The following UBA6 variants were observed in gnomAD, a reference collection of about 807,000 sequenced individuals.
UBA6 encodes ubiquitin-like modifier-activating enzyme 6.
Under a neutral mutation model 148.3 loss-of-function variants are expected in UBA6, and 87 were observed. That is an observed-to-expected ratio of 0.59 (90% CI 0.49 to 0.70). The LOEUF is 0.70. UBA6 is among the 30% of genes least tolerant of loss of function. The pLI, the probability that UBA6 is intolerant of heterozygous loss-of-function variation, is 0.00. For missense variants in UBA6, 1,186 were observed against 1,241.2 expected (o/e 0.96, Z 0.67); for synonymous variants, 376 against 401.0 (o/e 0.94, Z 0.75).
intron 9 of UBA6, among the ~76,000 whole-genome samples, chr4:67,666,214 C>T (rs767561913): frequency 3.3e-5 from 5 of 151,720 alleles, no homozygotes; most frequent in East Asian, 3.9e-4. Flanking sequence ...AAACATGGTC[C>T]GATAACATTT....
chr4:67,678,551 G>A lies in UBA6; in HGVS notation c.259-18C>T. ...GTAACTGCCTTCAAAAAAGAAAAAAGTATTGGTTGAAGTCAGGAGTTCAAG... is the reference window on the plus strand; with the variant it reads ...GTAACTGCCTTCAAAAAAGAAAAAAATATTGGTTGAAGTCAGGAGTTCAAG... On this transcript the variant is annotated intron_variant, in intron 4 of 32. Transcript: ENST00000322244. The A allele has an allele frequency of 2.0e-6, 3 of 1,516,124 alleles. No individual in the cohort carries two copies. Among genetic ancestry groups the A allele is most frequent in the East Asian group, 2.3e-5 (1 of 43,630 alleles). The allele number at this position is 1,516,124 out of a possible 1,614,324, so 93.9% of individuals were successfully genotyped here.
At position 67,618,231 on chromosome 4, in the gene UBA6, A is replaced by G. The variant is rs1728672927; in HGVS notation, c.*766T>C. The G allele has an allele frequency of 1.3e-5, 2 of 152,586 alleles. No individual in the cohort carries two copies. The highest frequency in any genetic ancestry group is 6.5e-5 in the Admixed American group (1 of 15,276). 9.5% of individuals were successfully genotyped at this position (152,586 alleles called of 1,614,324 possible). A position where few individuals can be genotyped will look rare whatever the true frequency, so the allele number is the denominator to read the frequency against. On this transcript the variant is annotated 3_prime_UTR_variant, in exon 33 of 33. Transcript: ENST00000322244. ...ACATAAATAAAATAGCCACATTAGAAGGCATACTGAAGAATCAAATGGTTA... is the reference window on the plus strand; with the variant it reads ...ACATAAATAAAATAGCCACATTAGAGGGCATACTGAAGAATCAAATGGTTA...
intron 32 of UBA6, among the ~76,000 whole-genome samples, chr4:67,621,314 A>T (rs142080108): frequency 6.6e-6 from 1 of 152,388 alleles, no homozygotes; most frequent in African/African-American, 2.4e-5. Context: ...TCAACTGATT[A>T]TCATAGTTAA....
At chr4:67,626,976 A>G (rs1313524638) in intron 27 of UBA6, among the ~76,000 whole-genome samples, 1 of 151,980 alleles carries the variant, frequency 6.6e-6, no homozygotes, top group African/African-American at 2.4e-5. Flanking sequence ...AGCAATCCAT[A>G]AGATATATAA....
chr4:67,642,270 A>C (rs1339949426), intron 17 of UBA6, among the ~76,000 whole-genome samples: 1 of 152,036 alleles, frequency 6.6e-6, no homozygotes, highest in Non-Finnish European at 1.5e-5. Context: ...CTAAGTGCCT[A>C]ATGTTATGTG....
chr4:67,676,588 A>G (rs574825621), intron 6 of UBA6, among the ~76,000 whole-genome samples: 68 of 152,238 alleles, frequency 4.5e-4, no homozygotes, highest in African/African-American at 1.4e-3. Flanking sequence ...CAATTTCTCT[A>G]GTTTATGTAG....
At chr4:67,644,890 G>C (rs1297556806) in intron 16 of UBA6, 112 bp from the exon 17 acceptor site, 5 of 539,532 alleles carry the variant, frequency 9.3e-6, no homozygotes, top group Admixed American at 3.3e-5. Context: ...AAAAAAAAAA[G>C]TATAAACCAA....
At chr4:67,627,962 T>C (rs1306420116) in intron 27 of UBA6, among the ~76,000 whole-genome samples, 3 of 151,180 alleles carry the variant, frequency 2.0e-5, no homozygotes, top group Non-Finnish European at 4.4e-5. Flanking sequence ...TTCAATGTAT[T>C]TGCCTGGCAA....
intron 18 of UBA6, among the ~76,000 whole-genome samples, chr4:67,640,527 T>C (rs1427570189): frequency 6.6e-6 from 1 of 152,208 alleles, no homozygotes; most frequent in Non-Finnish European, 1.5e-5. Context: ...TTGCCCAGGC[T>C]GGTCGGGAAC....
At chr4:67,683,811 G>A (rs570516107) in intron 2 of UBA6, among the ~76,000 whole-genome samples, 4 of 152,208 alleles carry the variant, frequency 2.6e-5, no homozygotes, top group Middle Eastern at 3.4e-3. Flanking sequence ...GGTGGCTCAC[G>A]CCTATAATCC....
chr4:67,636,444 C>G (rs907236585), intron 19 of UBA6, among the ~76,000 whole-genome samples: 2 of 152,214 alleles, frequency 1.3e-5, no homozygotes, highest in Admixed American at 6.5e-5. Flanking sequence ...GATGCCGAGC[C>G]GAAGCTGGAC....
chr4:67,687,093 TG>T (rs1284423209), intron 2 of UBA6, among the ~76,000 whole-genome samples: 4 of 136,046 alleles, frequency 2.9e-5, no homozygotes, highest in African/African-American at 1.1e-4. Context: ...TGGACTGCAG[TG>T]GTGCGATCTT....
At chr4:67,650,616 T>A (rs964872912) in intron 13 of UBA6, among the ~76,000 whole-genome samples, 1 of 152,182 alleles carries the variant, frequency 6.6e-6, no homozygotes, top group Admixed American at 6.5e-5. Flanking sequence ...TACTTGTAAG[T>A]AGAAAGACAG....
In UBA6 at chr4:67,629,605, G is replaced by GA. The variant is rs559128515; in HGVS notation, c.2329-464dup. Among the ~76,000 whole-genome samples the GA allele has an allele frequency of 8.5e-5, 13 of 152,118 alleles. No individual in the cohort carries two copies. The South Asian group carries it at 2.7e-3, about 31-fold the overall frequency. The stretch of plus-strand genomic sequence containing the variant: ...TAAATGGTTAAAGATGAACTTATAT[G>GA]AATTTAAAGCTATGGGTTGTATTTA... On this transcript the variant is annotated intron_variant, in intron 26 of 32. Transcript: ENST00000322244.
chr4:67,631,643 G>C (rs1728999077), intron 25 of UBA6, 65 bp downstream of exon 25: 2 of 1,228,682 alleles, frequency 1.6e-6, no homozygotes, highest in Middle Eastern at 5.6e-4. Context: ...GCAATGTACA[G>C]TTAAGGAATT....
chr4:67,630,325 T>C, intron 26 of UBA6, 141 bp downstream of exon 26: 4 of 656,628 alleles, frequency 6.1e-6, no homozygotes, highest in Non-Finnish European at 1.0e-5. Flanking sequence ...TATGTTAGTA[T>C]GGGTAAAAAT....
intron 17 of UBA6, among the ~76,000 whole-genome samples, chr4:67,643,385 A>T (rs995280410): frequency 5.3e-5 from 8 of 151,734 alleles, no homozygotes; most frequent in African/African-American, 1.9e-4. Flanking sequence ...CATAGTCCTG[A>T]GTGTGTTATT....
At chr4:67,667,878 GAACA>G (rs1730046461) in intron 9 of UBA6, among the ~76,000 whole-genome samples, 1 of 152,026 alleles carries the variant, frequency 6.6e-6, no homozygotes. Flanking sequence ...AACTTCTTGC[GAACA>G]AACCTACAAA....
intron 9 of UBA6, among the ~76,000 whole-genome samples, chr4:67,665,581 T>C (rs546712384): frequency 6.6e-6 from 1 of 151,654 alleles, no homozygotes; most frequent in Admixed American, 6.6e-5. Flanking sequence ...TATTAAAATA[T>C]ATCATAAAGC....
Sources: allele counts gnomAD v4.1 joint callset (sites outside exome capture counted in the v4.1 genomes callset), GRCh38; gene constraint gnomAD v4.1.1; transcripts MANE v1.5; gene names NCBI Gene and HGNC (gene_info 2026-07-23, HGNC 2026-07-21).